FAM13A: variants seen among roughly 807,000 people sequenced by gnomAD.
FAM13A encodes the protein protein FAM13A.
FAM13A carries 76 observed loss-of-function variants against 129.6 expected under a neutral mutation model. That is an observed-to-expected ratio of 0.59 (90% confidence interval 0.49 to 0.71). The LOEUF is 0.71. Among genes scored for constraint, FAM13A ranks in the 30% least tolerant of loss-of-function variants. FAM13A has a pLI of 0.00. For synonymous variants in FAM13A, 443 were observed against 449.9 expected (o/e 0.98, Z 0.20); for missense variants, 1,108 against 1,249.3 (o/e 0.89, Z 1.70).
At chr4:88,902,153 T>G (rs1263114202) in intron 6 of FAM13A, among the ~76,000 whole-genome samples, 1 of 152,050 alleles carries the variant, frequency 6.6e-6, no homozygotes, top group African/African-American at 2.4e-5. Flanking sequence ...ACCAGAAAGA[T>G]TTGCAGCTGA....
rs568702110 is a variant in FAM13A at position 88,855,058 on chromosome 4, C to T, written c.844-3875G>A. Among the ~76,000 whole-genome samples, 4 of 152,134 alleles carry T rather than the reference C, an allele frequency of 2.6e-5. No homozygotes were observed. In the East Asian group the frequency reaches 7.7e-4, roughly 29 times the overall value. ...GAGGCACAAAAAATTTCATTTGTTC[C>T]GAGGAGTAAGTGGCAGAGTTACCAT... On this transcript the variant is annotated intron_variant, in intron 6 of 23. Coordinates refer to ENST00000264344, the MANE Select transcript of FAM13A (RefSeq NM_014883.4).
chr4:88,858,943 G>A (rs1211907633), intron 6 of FAM13A, among the ~76,000 whole-genome samples: 2 of 152,192 alleles, frequency 1.3e-5, no homozygotes, highest in Non-Finnish European at 2.9e-5. Context: ...GTCAAATGCC[G>A]CTGACAGGGC....
At chr4:89,055,081 T>C (rs1213900285) in intron 1 of FAM13A, among the ~76,000 whole-genome samples, 1 of 152,224 alleles carries the variant, frequency 6.6e-6, no homozygotes, top group East Asian at 1.9e-4. Context: ...CTCCTATTAA[T>C]CTATTGCCAA....
At chr4:88,950,208 C>CT (rs11364634) in intron 4 of FAM13A, among the ~76,000 whole-genome samples, 66 of 143,402 alleles carry the variant, frequency 4.6e-4, no homozygotes, top group South Asian at 1.8e-3. Context: ...AAAAATCAGG[C>CT]TTTTTTTTTT....
chr4:88,763,146 G>A (rs1383397658), intron 13 of FAM13A, among the ~76,000 whole-genome samples: 5 of 152,000 alleles, frequency 3.3e-5, no homozygotes, highest in Non-Finnish European at 1.5e-5. Flanking sequence ...CAGCTTTTTT[G>A]TTTTTCCTCG....
intron 5 of FAM13A, among the ~76,000 whole-genome samples, chr4:88,929,672 T>G (rs1752742783): frequency 6.6e-6 from 1 of 152,198 alleles, no homozygotes; most frequent in Non-Finnish European, 1.5e-5. Context: ...TGGTCAAGTC[T>G]ATTATTGGAG....
rs140652030 is a variant in FAM13A at position 88,728,259 on chromosome 4, CTGTGTGTG to C, written c.*266_*273del. On this transcript the variant is annotated 3_prime_UTR_variant, in exon 24 of 24. Transcript: ENST00000264344. ...TGCTAGTGTTAGGAAAGCTCCACTA[CTGTGTGTG>C]TGTGTGCGTGCATGCGCGTGCGCAT... is the stretch of plus-strand genomic sequence containing the variant. 3.8e-4 allele frequency: 176 copies of C among 459,292 alleles called. No individual in the cohort carries two copies. The highest frequency in any genetic ancestry group is 3.2e-3 in the African/African-American group (157 of 49,668). The allele number at this position is 459,292 out of a possible 1,614,324, so 28.5% of individuals were successfully genotyped here.
At chr4:88,933,930 T>C (rs532837581) in intron 5 of FAM13A, among the ~76,000 whole-genome samples, 1 of 152,294 alleles carries the variant, frequency 6.6e-6, no homozygotes, top group Non-Finnish European at 1.5e-5. Flanking sequence ...AGACACAATC[T>C]GCTGATCCCT....
At chr4:88,822,064 T>A (rs1732051560) in intron 7 of FAM13A, among the ~76,000 whole-genome samples, 1 of 152,232 alleles carries the variant, frequency 6.6e-6, no homozygotes, top group South Asian at 2.1e-4. Flanking sequence ...AAACCACATT[T>A]ACTATTTGAT....
At chr4:88,843,458 CAG>C (rs1736162199) in intron 7 of FAM13A, among the ~76,000 whole-genome samples, 1 of 152,188 alleles carries the variant, frequency 6.6e-6, no homozygotes, top group African/African-American at 2.4e-5. Context: ...CTCCAAGTAG[CAG>C]AGAGTGAAAC....
chr4:88,976,024 T>C lies in FAM13A; in HGVS notation c.605+14949A>G, dbSNP rs559362419. Among the ~76,000 whole-genome samples the C allele has an allele frequency of 4.6e-5, 7 of 152,290 alleles. No individual in the cohort carries two copies. The East Asian group carries it at 1.3e-3, about 29-fold the overall frequency. On this transcript the variant is annotated intron_variant, in intron 4 of 23. Transcript: ENST00000264344. ...TTAGGTCATCCTTTGTTAAATAAAATGTACTGCGCTGCTCTCTTCCCAAGA... is the reference window on the plus strand; with the variant it reads ...TTAGGTCATCCTTTGTTAAATAAAACGTACTGCGCTGCTCTCTTCCCAAGA...
In FAM13A at chr4:88,728,374, G is replaced by T; in HGVS notation, c.*159C>A. 1 of 787,932 alleles carries T rather than the reference G, an allele frequency of 1.3e-6. No individual in the cohort carries two copies. The highest frequency in any genetic ancestry group is 2.0e-6 in the Non-Finnish European group (1 of 500,004). 48.8% of individuals were successfully genotyped at this position (787,932 alleles called of 1,614,324 possible). A position where few individuals can be genotyped will look rare whatever the true frequency, so the allele number is the denominator to read the frequency against. Reference sequence around the variant, plus strand: ...TGTCTTCTTCCAGCCAGTTTCTAAGGCAGGCAATGGAAACAGGAGCCGATG... The same window carrying T: ...TGTCTTCTTCCAGCCAGTTTCTAAGTCAGGCAATGGAAACAGGAGCCGATG... On this transcript the variant is annotated 3_prime_UTR_variant, in exon 24 of 24. Transcript: ENST00000264344.
intron 5 of FAM13A, among the ~76,000 whole-genome samples, chr4:88,920,026 A>C (rs1339916522): frequency 6.6e-6 from 1 of 152,250 alleles, no homozygotes; most frequent in African/African-American, 2.4e-5. Flanking sequence ...AGGCTTGCTT[A>C]GGTAAACAAA....
chr4:88,948,678 G>A (rs138915297), intron 4 of FAM13A, among the ~76,000 whole-genome samples: 2,057 of 152,036 alleles, frequency 0.014, 51 homozygotes, highest in African/African-American at 0.046. Context: ...TAGTAGAGGC[G>A]GGGTTTCACC....
intron 3 of FAM13A, among the ~76,000 whole-genome samples, chr4:89,010,278 T>C (rs1765564625): frequency 6.6e-6 from 1 of 152,178 alleles, no homozygotes; most frequent in Admixed American, 6.5e-5. Flanking sequence ...GGAGTCTGTG[T>C]TTCCCGAGTG....
In FAM13A at chr4:88,804,832, TA is replaced by T. The variant is rs552363276; in HGVS notation, c.1049+178del. ...AGTTGTTTCAACTATATCAGACATT[TA>T]AAAAAAAAATTTCTTGAACCAAAGG... On this transcript the variant is annotated intron_variant, in intron 8 of 23. Transcript: ENST00000264344. Among the ~76,000 whole-genome samples the T allele has an allele frequency of 4.2e-3, 627 of 150,856 alleles. 4 individuals are homozygous for T. The highest frequency in any genetic ancestry group is 0.01 in the Middle Eastern group (3 of 292).
In FAM13A at chr4:88,805,246, G is replaced by A. The variant is rs146309333; in HGVS notation, c.1008-194C>T. Among the ~76,000 whole-genome samples, 4 of 152,300 alleles carry A rather than the reference G, an allele frequency of 2.6e-5. No homozygotes were observed. In the East Asian group the frequency reaches 7.7e-4, roughly 29 times the overall value. On this transcript the variant is annotated intron_variant, in intron 7 of 23. Coordinates refer to ENST00000264344, the MANE Select transcript of FAM13A (RefSeq NM_014883.4). ...TTACTTCTTGTCAGGATACCATCAAGTGAGGCTTCTTTCAAGATCAGCTAA... is the reference window on the plus strand; with the variant it reads ...TTACTTCTTGTCAGGATACCATCAAATGAGGCTTCTTTCAAGATCAGCTAA...
intron 7 of FAM13A, among the ~76,000 whole-genome samples, chr4:88,841,645 C>A (rs1735851623): frequency 6.6e-6 from 1 of 151,902 alleles, no homozygotes. Context: ...ATAGTATTGG[C>A]CATTAAACAC....
At chr4:88,897,158 C>T (rs960088275) in intron 6 of FAM13A, among the ~76,000 whole-genome samples, 2 of 152,236 alleles carry the variant, frequency 1.3e-5, no homozygotes, top group African/African-American at 4.8e-5. Flanking sequence ...AACAACTATA[C>T]TACGTTACAA....
Sources: allele counts gnomAD v4.1 joint callset (sites outside exome capture counted in the v4.1 genomes callset), GRCh38; gene constraint gnomAD v4.1.1; transcripts MANE v1.5; gene names NCBI Gene and HGNC (gene_info 2026-07-23, HGNC 2026-07-21).